PROS1: variants seen among roughly 807,000 people sequenced by gnomAD.
PROS1 encodes protein S.
In PROS1, 29 loss-of-function variants were observed where a neutral mutation model predicts 75.9. The ratio of observed to expected loss-of-function variants is 0.38; its 90% CI spans 0.28 to 0.52. The LOEUF is 0.52. Among genes scored for constraint, PROS1 ranks in the 20% least tolerant of loss-of-function variants. The probability of loss-of-function intolerance (pLI) is 0.83; values close to 1 mark genes in which losing one functional copy is unlikely to be tolerated. For synonymous variants in PROS1, 245 were observed against 280.6 expected (o/e 0.87, Z 1.27); for missense variants, 680 against 810.3 (o/e 0.84, Z 1.95).
intron 3 of PROS1, among the ~76,000 whole-genome samples, chr3:93,911,543 T>C (rs1708759572): frequency 6.6e-6 from 1 of 152,172 alleles, no homozygotes; most frequent in Admixed American, 6.5e-5. Context: ...GGTCAAATAT[T>C]TGCAGAGTTT....
At chr3:93,933,939 G>A (rs1279175343) in intron 1 of PROS1, among the ~76,000 whole-genome samples, 3 of 151,692 alleles carry the variant, frequency 2.0e-5, no homozygotes, top group Admixed American at 2.0e-4. Context: ...AACCCAGGAG[G>A]CGGAGGGTGC....
At position 93,938,011 on chromosome 3, in the gene PROS1, A is replaced by G. The variant is rs1018307225; in HGVS notation, c.77-10604T>C. ...GAGGGATTAATTTGAAAATCTCCCA[A>G]TGACACACCAATAGTTTCCCCATCC... On this transcript the variant is annotated intron_variant, in intron 1 of 14. Coordinates refer to ENST00000394236, the MANE Select transcript of PROS1 (RefSeq NM_000313.4). Among the ~76,000 whole-genome samples the G allele has an allele frequency of 6.4e-4, 98 of 152,180 alleles. 1 individual carries two copies. Among genetic ancestry groups the G allele is most frequent in the Non-Finnish European group, 1.6e-4 (11 of 68,032 alleles).
chr3:93,922,312 TAGGCTC>T (rs1708955439), intron 3 of PROS1, among the ~76,000 whole-genome samples: 3 of 152,194 alleles, frequency 2.0e-5, no homozygotes, highest in Admixed American at 2.0e-4. Flanking sequence ...TGTTTATATT[TAGGCTC>T]AGAGTTCACC....
chr3:93,900,958 C>A (rs1052173423), intron 6 of PROS1, 29 bp from the exon 7 acceptor site: 2 of 1,605,852 alleles, frequency 1.2e-6, no homozygotes, highest in Non-Finnish European at 1.7e-6. Context: ...TATTAAAAAA[C>A]ATTTTTCCCA....
In PROS1 at chr3:93,875,762, T is replaced by C. The variant is rs373958844; in HGVS notation, c.1870+1204A>G. ...AAACCCCAGATACAATTTCCATATA[T>C]GGGAAATCAAGACCATGAGCAGTTT... On this transcript the variant is annotated intron_variant, in intron 14 of 14. Transcript: ENST00000394236. Among the ~76,000 whole-genome samples, 185 of 152,170 alleles carry C rather than the reference T, an allele frequency of 1.2e-3. 4 individuals carry two copies. The South Asian group carries it at 0.037, about 30-fold the overall frequency.
chr3:93,889,057 G>T (rs1389526687), intron 10 of PROS1, among the ~76,000 whole-genome samples: 3 of 152,098 alleles, frequency 2.0e-5, no homozygotes, highest in African/African-American at 7.2e-5. Context: ...TGTACTTGCT[G>T]TTTACATGGT....
At chr3:93,973,591 A>G (rs1346082805) in intron 1 of PROS1, 83 bp downstream of exon 1, 8 of 1,441,086 alleles carry the variant, frequency 5.6e-6, no homozygotes, top group South Asian at 2.4e-5. Context: ...CTGCAGCTCT[A>G]GAGAAGAAAA....
At chr3:93,887,991 A>C (rs1449378592) in intron 10 of PROS1, among the ~76,000 whole-genome samples, 1 of 152,260 alleles carries the variant, frequency 6.6e-6, no homozygotes, top group Non-Finnish European at 1.5e-5. Context: ...ATGCAGAACT[A>C]ATAATAAAAT....
rs750871067 is a variant in PROS1, at chr3:93,906,007, G to C, written c.469+14C>G. 2 of 1,613,914 alleles carry C rather than the reference G, an allele frequency of 1.2e-6. No individual in the cohort carries two copies. The highest frequency in any genetic ancestry group is 2.2e-5 in the South Asian group (2 of 91,078). On this transcript the variant is annotated intron_variant, in intron 5 of 14. Transcript: ENST00000394236. ...AATCCTGATGAGCTGGGGGGCGGGG[G>C]TTATTATACGTACCAAATTCACACT...
At chr3:93,901,871 G>A (rs1269623313) in intron 6 of PROS1, among the ~76,000 whole-genome samples, 1 of 152,096 alleles carries the variant, frequency 6.6e-6, no homozygotes, top group African/African-American at 2.4e-5. Context: ...GCATCTCTCT[G>A]TATTACTTCT....
chr3:93,939,401 C>G (rs575146816), intron 1 of PROS1, among the ~76,000 whole-genome samples: 30 of 152,188 alleles, frequency 2.0e-4, no homozygotes, highest in Middle Eastern at 3.4e-3. Context: ...TTCTACCAAC[C>G]AATCTGATCT....
intron 1 of PROS1, among the ~76,000 whole-genome samples, chr3:93,956,884 C>T (rs1340337981): frequency 6.6e-6 from 1 of 151,960 alleles, no homozygotes; most frequent in Non-Finnish European, 1.5e-5. Context: ...TTAAATCTAC[C>T]TTCAAAAGCA....
At position 93,885,473 on chromosome 3, in the gene PROS1, G is replaced by A. The variant is rs8178650; in HGVS notation, c.1324-577C>T. On this transcript the variant is annotated intron_variant, in intron 11 of 14. Coordinates refer to ENST00000394236, the MANE Select transcript of PROS1 (RefSeq NM_000313.4). The stretch of plus-strand genomic sequence containing the variant: ...ACTCCTGACCTCAGGTGATCCACCC[G>A]CCTCGGCCTCCCAAATTGCTGGGAT... Among the ~76,000 whole-genome samples the A allele has an allele frequency of 3.8e-3, 574 of 152,164 alleles. 5 individuals are homozygous for A. Among genetic ancestry groups the A allele is most frequent in the African/African-American group, 0.012 (512 of 41,514 alleles).
At chr3:93,878,169 T>C (rs1708218975) in intron 13 of PROS1, among the ~76,000 whole-genome samples, 1 of 152,142 alleles carries the variant, frequency 6.6e-6, no homozygotes, top group African/African-American at 2.4e-5. Flanking sequence ...CTCCACTGCA[T>C]GAATGTAGTG....
chr3:93,906,184 T>A (rs754343381), intron 4 of PROS1, 41 bp from the exon 5 acceptor site: 1 of 1,605,792 alleles, frequency 6.2e-7, no homozygotes, highest in Non-Finnish European at 8.5e-7. Context: ...TTATCTCATG[T>A]CATGGAAAAA....
At chr3:93,882,650 C>G (rs1392863050) in intron 12 of PROS1, among the ~76,000 whole-genome samples, 2 of 152,154 alleles carry the variant, frequency 1.3e-5, no homozygotes, top group Non-Finnish European at 2.9e-5. Context: ...TTGCTGAACT[C>G]CATGTAGGGG....
In PROS1 at chr3:93,906,130, C is replaced by T; in HGVS notation, c.360G>A (p.Gln120=). Residue 120 remains glutamine, a synonymous_variant, in exon 5 of 15, where the codon CAG becomes CAA. Coordinates refer to ENST00000394236, the MANE Select transcript of PROS1 (RefSeq NM_000313.4). Reference sequence around the variant, plus strand: ...CTTCATTGCATGGCAGAGGACTACACTGGTCTGGAATGGCTGAAGGAAATA... The same window carrying T: ...CTTCATTGCATGGCAGAGGACTACATTGGTCTGGAATGGCTGAAGGAAATA... The part of the protein sequence containing the change: ...LRSCVNAIPD[Q]CSPLPCNEDG... 1 of 1,613,744 alleles carries T rather than the reference C, an allele frequency of 6.2e-7. No homozygotes were observed. The highest frequency in any genetic ancestry group is 1.3e-5 in the African/African-American group (1 of 74,948).
chr3:93,912,305 A>G (rs1190187542), intron 3 of PROS1, among the ~76,000 whole-genome samples: 1 of 152,056 alleles, frequency 6.6e-6, no homozygotes, highest in Non-Finnish European at 1.5e-5. Context: ...ATCCTGTTAT[A>G]AGGACCCTTA....
At chr3:93,916,256 T>G (rs776455058) in intron 3 of PROS1, among the ~76,000 whole-genome samples, 11 of 152,168 alleles carry the variant, frequency 7.2e-5, no homozygotes, top group Non-Finnish European at 1.5e-4. Flanking sequence ...CTTTCAGACT[T>G]CATTTATTCT....
Sources: allele counts gnomAD v4.1 joint callset (sites outside exome capture counted in the v4.1 genomes callset), GRCh38; gene constraint gnomAD v4.1.1; transcripts MANE v1.5; gene names NCBI Gene and HGNC (gene_info 2026-07-23, HGNC 2026-07-21).